The following AGBL1 variants were observed in gnomAD, a reference collection of about 807,000 sequenced individuals.
AGBL1 encodes the protein cytosolic carboxypeptidase 4.
In AGBL1, 130 loss-of-function variants were observed where a neutral mutation model predicts 118.9. The ratio of observed to expected loss-of-function variants is 1.09; its 90% CI spans 0.95 to 1.26. The LOEUF (loss-of-function observed/expected upper bound fraction) is 1.26. AGBL1 is among the 50% of genes most tolerant of loss of function. The pLI is 0.00. For synonymous variants in AGBL1, 555 were observed against 478.9 expected (o/e 1.16, Z -2.08); for missense variants, 1,584 against 1,298.1 (o/e 1.22, Z -3.38).
intron 17 of AGBL1, among the ~76,000 whole-genome samples, chr15:86,394,286 A>G (rs1342599729): frequency 6.6e-6 from 1 of 152,150 alleles, no homozygotes; most frequent in African/African-American, 2.4e-5. Context: ...AATTCGTTTT[A>G]TAAAGCACAG....
chr15:86,806,171 A>T (rs184378286), intron 22 of AGBL1, among the ~76,000 whole-genome samples: 12 of 152,242 alleles, frequency 7.9e-5, no homozygotes, highest in Admixed American at 5.9e-4. Flanking sequence ...TCCAGGGACA[A>T]TACATTGTCA....
chr15:86,154,304 T>A (rs1597466148), intron 3 of AGBL1, 126 bp from the exon 4 acceptor site: 12 of 1,052,542 alleles, frequency 1.1e-5, no homozygotes, highest in Middle Eastern at 4.2e-4. Context: ...TGTCACTAGG[T>A]CTGAAAAATG....
chr15:86,291,465 T>C (rs533759501), intron 16 of AGBL1, among the ~76,000 whole-genome samples: 103 of 152,182 alleles, frequency 6.8e-4, no homozygotes, highest in African/African-American at 2.5e-3. Flanking sequence ...TATGCAACAA[T>C]GAGCAGTGAG....
chr15:86,683,966 C>G (rs1473904508), intron 22 of AGBL1, among the ~76,000 whole-genome samples: 1 of 152,136 alleles, frequency 6.6e-6, no homozygotes, highest in Admixed American at 6.6e-5. Flanking sequence ...CCCTGTGACA[C>G]CTATGGCTCT....
intron 21 of AGBL1, among the ~76,000 whole-genome samples, chr15:86,596,614 TA>T (rs2084409228): frequency 6.6e-6 from 1 of 152,120 alleles, no homozygotes; most frequent in African/African-American, 2.4e-5. Context: ...CCCAGAGATA[TA>T]CTTGGCTAAC....
intron 18 of AGBL1, among the ~76,000 whole-genome samples, chr15:86,431,347 TA>T (rs1449945083): frequency 2.6e-5 from 4 of 152,226 alleles, no homozygotes; most frequent in African/African-American, 9.6e-5. Context: ...ATGAAGTATT[TA>T]GTAGGGTAAT....
chr15:86,493,142 T>G (rs545044812), intron 18 of AGBL1, among the ~76,000 whole-genome samples: 12 of 152,010 alleles, frequency 7.9e-5, no homozygotes, highest in African/African-American at 2.9e-4. Context: ...TGCAGTGAGC[T>G]GAGATCATGC....
intron 22 of AGBL1, among the ~76,000 whole-genome samples, chr15:86,769,275 C>G (rs1377689219): frequency 1.3e-5 from 2 of 151,394 alleles, no homozygotes; most frequent in African/African-American, 4.9e-5. Context: ...TATAAGCAAA[C>G]ATTTCCTGGG....
At chr15:86,979,045 T>C (rs1432371551) in intron 23 of AGBL1, among the ~76,000 whole-genome samples, 2 of 152,214 alleles carry the variant, frequency 1.3e-5, no homozygotes, top group African/African-American at 2.4e-5. Flanking sequence ...CTGTATCCTA[T>C]TCACTGGCAT....
At chr15:86,277,427 A>G (rs1429143146) in intron 15 of AGBL1, among the ~76,000 whole-genome samples, 4 of 152,114 alleles carry the variant, frequency 2.6e-5, no homozygotes, top group Non-Finnish European at 5.9e-5. Context: ...AGCCCATGGA[A>G]GCTCAAGAGC....
chr15:87,013,107 TG>T (rs2081577297), intron 24 of AGBL1, among the ~76,000 whole-genome samples: 1 of 152,190 alleles, frequency 6.6e-6, no homozygotes, highest in Non-Finnish European at 1.5e-5. Context: ...CCCAAGTAAT[TG>T]CGGTGGCTTC....
intron 18 of AGBL1, among the ~76,000 whole-genome samples, chr15:86,399,006 T>G (rs2081406225): frequency 6.6e-6 from 1 of 152,146 alleles, no homozygotes; most frequent in Non-Finnish European, 1.5e-5. Flanking sequence ...ATTTACTTTT[T>G]TATAGAGATT....
chr15:86,892,927 G>A (rs1233994678), intron 22 of AGBL1, among the ~76,000 whole-genome samples: 1 of 152,228 alleles, frequency 6.6e-6, no homozygotes, highest in East Asian at 1.9e-4. Context: ...GTGTCTGTAA[G>A]TGTGGATGAG....
intron 21 of AGBL1, among the ~76,000 whole-genome samples, chr15:86,602,632 T>G (rs879362172): frequency 2.0e-5 from 3 of 152,166 alleles, no homozygotes; most frequent in Non-Finnish European, 2.9e-5. Flanking sequence ...AATGATCTAG[T>G]TAACAATAGG....
intron 18 of AGBL1, among the ~76,000 whole-genome samples, chr15:86,446,577 G>A (rs1014005787): frequency 2.0e-5 from 3 of 152,200 alleles, no homozygotes; most frequent in Non-Finnish European, 4.4e-5. Context: ...TTCATCAGAA[G>A]AAACTTCCAT....
intron 22 of AGBL1, among the ~76,000 whole-genome samples, chr15:86,888,882 C>T (rs1312330403): frequency 6.0e-4 from 92 of 152,066 alleles, no homozygotes; most frequent in Non-Finnish European, 1.0e-4. Context: ...ATGAGCAAAG[C>T]GCTGAATGGC....
chr15:86,117,249 C>G (rs1451958795), intron 1 of AGBL1, among the ~76,000 whole-genome samples: 1 of 152,110 alleles, frequency 6.6e-6, no homozygotes, highest in African/African-American at 2.4e-5. Flanking sequence ...TGCTGGGAAT[C>G]CCCGCTAAAA....
rs189621082 is a variant in AGBL1 at position 86,380,452 on chromosome 15, T to C, written c.2375-16914T>C. 1.5e-3 allele frequency among the ~76,000 whole-genome samples: 221 copies of C among 150,398 alleles called. 1 individual carries two copies. Among genetic ancestry groups the C allele is most frequent in the African/African-American group, 5.3e-3 (214 of 40,758 alleles). On this transcript the variant is annotated intron_variant, in intron 17 of 22. Coordinates refer to ENST00000614907, the MANE Select transcript of AGBL1 (RefSeq NM_001386094.1). ...GGCGTGCGCCACCTGAGCCCGGCCCTTTCCTTCCTTTTTTCCTCCCTCCCT... is the reference window on the plus strand; with the variant it reads ...GGCGTGCGCCACCTGAGCCCGGCCCCTTCCTTCCTTTTTTCCTCCCTCCCT...
intron 15 of AGBL1, among the ~76,000 whole-genome samples, chr15:86,276,303 A>T (rs1212420871): frequency 6.6e-6 from 1 of 152,226 alleles, no homozygotes; most frequent in East Asian, 1.9e-4. Flanking sequence ...TATAATAAAA[A>T]AATTTTAGTT....
Sources: allele counts gnomAD v4.1 joint callset (sites outside exome capture counted in the v4.1 genomes callset), GRCh38; gene constraint gnomAD v4.1.1; transcripts MANE v1.5; gene names NCBI Gene and HGNC (gene_info 2026-07-23, HGNC 2026-07-21).